The following CACNA2D3 variants were observed in gnomAD, a reference collection of about 807,000 sequenced individuals.
CACNA2D3 encodes voltage-dependent calcium channel subunit alpha-2/delta-3.
CACNA2D3 carries 60 observed loss-of-function variants against 160.6 expected under a neutral mutation model. That is an observed-to-expected ratio of 0.37 (90% CI 0.30 to 0.46). The LOEUF (loss-of-function observed/expected upper bound fraction) is 0.46. Among genes scored for constraint, CACNA2D3 ranks in the 20% least tolerant of loss-of-function variants. The pLI, the probability that CACNA2D3 is intolerant of heterozygous loss-of-function variation, is 1.00. For synonymous variants in CACNA2D3, 558 were observed against 492.9 expected (o/e 1.13, Z -1.75); for missense variants, 1,205 against 1,365.0 (o/e 0.88, Z 1.85).
intron 2 of CACNA2D3, among the ~76,000 whole-genome samples, chr3:54,187,917 A>ACCGTGGT (rs1231924886): frequency 2.0e-5 from 3 of 152,076 alleles, no homozygotes; most frequent in African/African-American, 4.8e-5. Flanking sequence ...ACAGACCAGT[A>ACCGTGGT]CCGTGGTCCG....
At chr3:54,562,574 A>G (rs1702343687) in intron 5 of CACNA2D3, among the ~76,000 whole-genome samples, 4 of 152,140 alleles carry the variant, frequency 2.6e-5, no homozygotes, top group African/African-American at 9.7e-5. Context: ...CAAGTAAGGA[A>G]CCATCAGTAG....
At chr3:54,723,932 A>G (rs1476242778) in intron 11 of CACNA2D3, among the ~76,000 whole-genome samples, 9 of 152,186 alleles carry the variant, frequency 5.9e-5, no homozygotes, top group Admixed American at 5.2e-4. Context: ...TTAACCTTAA[A>G]TGTAAATGGG....
At chr3:54,732,411 A>G (rs1701409665) in intron 11 of CACNA2D3, among the ~76,000 whole-genome samples, 1 of 152,164 alleles carries the variant, frequency 6.6e-6, no homozygotes, top group South Asian at 2.1e-4. Context: ...TTTGGTTTGA[A>G]TGCTTGTGTG....
At chr3:54,224,490 C>T (rs998495584) in intron 2 of CACNA2D3, among the ~76,000 whole-genome samples, 1 of 152,120 alleles carries the variant, frequency 6.6e-6, no homozygotes, top group African/African-American at 2.4e-5. Context: ...ACGCATCGCA[C>T]TACAATGTTA....
At chr3:54,423,923 ACT>A in intron 4 of CACNA2D3, among the ~76,000 whole-genome samples, 1 of 147,156 alleles carries the variant, frequency 6.8e-6, no homozygotes, top group Non-Finnish European at 1.5e-5. Flanking sequence ...ACAGGGTCTG[ACT>A]CTGTCACTCA....
At chr3:54,965,766 G>A (rs1026804152) in intron 27 of CACNA2D3, among the ~76,000 whole-genome samples, 5 of 152,304 alleles carry the variant, frequency 3.3e-5, no homozygotes, top group South Asian at 4.1e-4. Flanking sequence ...CAGCTAGCCG[G>A]AACACAGCTA....
intron 35 of CACNA2D3, among the ~76,000 whole-genome samples, chr3:55,066,097 T>C (rs945817503): frequency 3.3e-5 from 5 of 152,300 alleles, no homozygotes; most frequent in African/African-American, 1.2e-4. Flanking sequence ...CCCAGGTCCA[T>C]GTAGGGAAAC....
chr3:54,615,278 AC>A (rs762775388), intron 9 of CACNA2D3, among the ~76,000 whole-genome samples: 8 of 152,246 alleles, frequency 5.3e-5, no homozygotes, highest in African/African-American at 1.4e-4. Flanking sequence ...AAGTAAAAAA[AC>A]ATCACGAATG....
intron 10 of CACNA2D3, chr3:54,632,260 T>A (rs921310753): frequency 6.6e-6 from 1 of 152,264 alleles, no homozygotes; most frequent in African/African-American, 2.4e-5. Context: ...CTCTTTATTC[T>A]AGTCCACATT....
At chr3:54,525,886 T>C (rs1701716193) in intron 5 of CACNA2D3, among the ~76,000 whole-genome samples, 1 of 152,102 alleles carries the variant, frequency 6.6e-6, no homozygotes, top group South Asian at 2.1e-4. Context: ...TCAATAATTT[T>C]AGAAAGTTTA....
intron 17 of CACNA2D3, among the ~76,000 whole-genome samples, chr3:54,865,338 GA>G (rs1294398848): frequency 6.6e-6 from 1 of 152,220 alleles, no homozygotes; most frequent in East Asian, 1.9e-4. Flanking sequence ...ATAAGAGGGG[GA>G]AAGTAAGGAA....
chr3:54,938,059 A>G (rs1436684551), intron 27 of CACNA2D3, among the ~76,000 whole-genome samples: 1 of 152,222 alleles, frequency 6.6e-6, no homozygotes, highest in Non-Finnish European at 1.5e-5. Flanking sequence ...ATCCCCGTAC[A>G]CGTTTCTCAG....
At chr3:54,348,807 C>T (rs2107531064) in intron 3 of CACNA2D3, among the ~76,000 whole-genome samples, 1 of 152,330 alleles carries the variant, frequency 6.6e-6, no homozygotes, top group African/African-American at 2.4e-5. Flanking sequence ...CCACTCACTG[C>T]AACCTCCACC....
chr3:54,542,531 G>A (rs762445788), intron 5 of CACNA2D3, among the ~76,000 whole-genome samples: 3 of 152,168 alleles, frequency 2.0e-5, no homozygotes, highest in Admixed American at 6.5e-5. Flanking sequence ...CCAAAGGCCC[G>A]AGAGTCCCTG....
intron 2 of CACNA2D3, among the ~76,000 whole-genome samples, chr3:54,226,547 C>T (rs1415168844): frequency 6.6e-6 from 1 of 152,090 alleles, no homozygotes; most frequent in Non-Finnish European, 1.5e-5. Flanking sequence ...AAACAATCCT[C>T]CCACTTTTGC....
At position 54,880,834 on chromosome 3, in the gene CACNA2D3, T is replaced by G; in HGVS notation, c.1883T>G (p.Phe628Cys). 6.2e-7 allele frequency: 1 copy of G among 1,613,936 alleles called. No homozygotes were observed. The highest frequency in any genetic ancestry group is 8.5e-7 in the Non-Finnish European group (1 of 1,179,814). Residue 628 changes from phenylalanine to cysteine, a missense_variant, in exon 21 of 38, where the codon TTC becomes TGC. By Grantham distance (205) the Phe-to-Cys change is radical. This residue lies in a region of CACNA2D3 where 911 missense variants were observed against 1,002.2 expected (regional missense o/e 0.91). Transcript: ENST00000474759. ...VALSRGHGKY[F>C]FRGNVTIEEG... ...CTTTCCAGAGGTCATGGGAAATATTTCTTCCGAGGGAATGTAACCATCGAA... is the reference window on the plus strand; with the variant it reads ...CTTTCCAGAGGTCATGGGAAATATTGCTTCCGAGGGAATGTAACCATCGAA...
chr3:54,797,206 T>A (rs116412611), intron 13 of CACNA2D3, among the ~76,000 whole-genome samples: 2,006 of 152,288 alleles, frequency 0.013, 39 homozygotes, highest in African/African-American at 0.045. Flanking sequence ...AAGTTCTAGA[T>A]CAACAAGAGA....
intron 11 of CACNA2D3, among the ~76,000 whole-genome samples, chr3:54,734,771 G>A (rs1392439003): frequency 6.6e-6 from 1 of 152,238 alleles, no homozygotes; most frequent in African/African-American, 2.4e-5. Context: ...ATAACTGGTT[G>A]TCAGAGCATT....
chr3:55,007,804 CCT>C lies in CACNA2D3; in HGVS notation c.2786_2787del (p.Ser929CysfsTer17). On this transcript the variant is annotated frameshift_variant, in exon 33 of 38. Transcript: ENST00000474759. LOFTEE classifies it high-confidence loss of function. ...CTTCTCTTCAGCCTTATAATGCCTTCCTCTCTGCAGTAAAATGGATCATGACA... is the reference window on the plus strand; with the variant it reads ...CTTCTCTTCAGCCTTATAATGCCTTCCTCTGCAGTAAAATGGATCATGACA... ...HGLLDPYNAF[L>X]SAVKWIMTEL... 6.4e-7 allele frequency: 1 copy of C among 1,559,924 alleles called. No individual in the cohort carries two copies. Among genetic ancestry groups the C allele is most frequent in the Non-Finnish European group, 8.7e-7 (1 of 1,155,972 alleles).
Sources: gnomAD v4.1 joint callset for allele counts (sites outside exome capture counted in the v4.1 genomes callset) on GRCh38, gnomAD v4.1.1 for gene constraint, gnomAD v4.1.1 regional missense constraint, MANE v1.5 for transcripts, NCBI Gene and HGNC (gene_info 2026-07-23, HGNC 2026-07-21) for gene names.